The following BACH2 variants were observed in gnomAD, a reference collection of about 807,000 sequenced individuals.
The protein encoded by BACH2 is BACH transcriptional regulator 2.
In BACH2, 5 loss-of-function variants were observed where a neutral mutation model predicts 61.8. That is an observed-to-expected ratio of 0.08 (90% confidence interval 0.04 to 0.17). The LOEUF (loss-of-function observed/expected upper bound fraction) is 0.17, where lower values mean the gene tolerates loss of function less well. Among genes scored for constraint, BACH2 ranks in the 10% least tolerant of loss-of-function variants. The pLI is 1.00. For missense variants in BACH2, 824 were observed against 1,091.1 expected, an observed-to-expected ratio of 0.76 and a Z score of 3.45; for synonymous variants, 446 against 440.1, an observed-to-expected ratio of 1.01 and a Z score of -0.17.
chr6:90,022,136 C>G (rs1284726569), intron 5 of BACH2, among the ~76,000 whole-genome samples: 3 of 152,180 alleles, frequency 2.0e-5, no homozygotes, highest in Non-Finnish European at 4.4e-5. Flanking sequence ...TAAAAAGGAA[C>G]AGTTGTAACA....
At chr6:90,013,020 T>C (rs1306231813) in intron 5 of BACH2, among the ~76,000 whole-genome samples, 2 of 152,198 alleles carry the variant, frequency 1.3e-5, no homozygotes, top group Admixed American at 1.3e-4. Context: ...TACCTAAGTA[T>C]GAATATTTTT....
At chr6:90,128,763 A>T (rs1209063908) in intron 4 of BACH2, among the ~76,000 whole-genome samples, 2 of 152,196 alleles carry the variant, frequency 1.3e-5, no homozygotes, top group South Asian at 2.1e-4. Flanking sequence ...ACATGCACAC[A>T]TATGTTTATT....
chr6:90,012,559 G>A (rs1777781091), intron 5 of BACH2, among the ~76,000 whole-genome samples: 2 of 151,344 alleles, frequency 1.3e-5, no homozygotes, highest in South Asian at 4.2e-4. Context: ...AACCCAGCAG[G>A]AAGAGGTTGC....
intron 5 of BACH2, among the ~76,000 whole-genome samples, chr6:90,052,785 G>A (rs571338645): frequency 7.2e-5 from 11 of 152,266 alleles, no homozygotes; most frequent in East Asian, 1.9e-4. Context: ...GTATTTGCTC[G>A]AATACGAATT....
At chr6:90,032,142 T>A (rs1779020928) in intron 5 of BACH2, among the ~76,000 whole-genome samples, 1 of 152,016 alleles carries the variant, frequency 6.6e-6, no homozygotes, top group African/African-American at 2.4e-5. Context: ...CTGGGAAAAC[T>A]GGTTAGCCAT....
At chr6:90,260,977 T>C (rs1771138336) in intron 2 of BACH2, among the ~76,000 whole-genome samples, 1 of 152,176 alleles carries the variant, frequency 6.6e-6, no homozygotes, top group Admixed American at 6.5e-5. Context: ...CTATTGTGCT[T>C]GGTCATGACT....
At chr6:90,003,271 A>G (rs1777229828) in intron 6 of BACH2, among the ~76,000 whole-genome samples, 1 of 151,978 alleles carries the variant, frequency 6.6e-6, no homozygotes. Flanking sequence ...TGGGTGGCAA[A>G]CACGCCCTGC....
At chr6:90,054,064 G>A (rs957231720) in intron 5 of BACH2, among the ~76,000 whole-genome samples, 2 of 152,214 alleles carry the variant, frequency 1.3e-5, no homozygotes, top group African/African-American at 2.4e-5. Context: ...GGTGATTTCT[G>A]CATTTCCAAC....
chr6:90,288,690 T>G (rs551330159), intron 1 of BACH2, among the ~76,000 whole-genome samples: 2 of 152,188 alleles, frequency 1.3e-5, no homozygotes, highest in Non-Finnish European at 2.9e-5. Context: ...CTTCCTGAAA[T>G]TGACCAGAAT....
intron 4 of BACH2, among the ~76,000 whole-genome samples, chr6:90,089,431 T>C (rs1562435905): frequency 6.6e-6 from 1 of 152,002 alleles, no homozygotes; most frequent in African/African-American, 2.4e-5. Flanking sequence ...TATCACCTTC[T>C]ATATTTCATC....
At position 89,926,631 on chromosome 6, in the gene BACH2, T is replaced by A. The variant is rs1286263196; in HGVS notation, c.*5777A>T. 6.5e-6 allele frequency: 1 copy of A among 152,796 alleles called. No individual in the cohort carries two copies. Among genetic ancestry groups the A allele is most frequent in the Non-Finnish European group, 1.5e-5 (1 of 68,036 alleles). 9.5% of individuals were successfully genotyped at this position (152,796 alleles called of 1,614,324 possible). A position where few individuals can be genotyped will look rare whatever the true frequency, so the allele number is the denominator to read the frequency against. ...AATTCAATTGAGTGAAAACTTTTTT[T>A]GCACAATAGTGTATTTACAATGAGT... On this transcript the variant is annotated 3_prime_UTR_variant, in exon 9 of 9. Coordinates refer to ENST00000257749, the MANE Select transcript of BACH2 (RefSeq NM_021813.4).
chr6:90,175,058 G>A (rs575920283), intron 4 of BACH2, among the ~76,000 whole-genome samples: 1 of 152,138 alleles, frequency 6.6e-6, no homozygotes, highest in South Asian at 2.1e-4. Flanking sequence ...CAGAAATGTG[G>A]ATGTTTTCTT....
chr6:90,216,109 G>A (rs1458759727), intron 3 of BACH2, among the ~76,000 whole-genome samples: 2 of 152,178 alleles, frequency 1.3e-5, no homozygotes, highest in Admixed American at 6.5e-5. Flanking sequence ...TGCGTTCTCC[G>A]ACAGCAAGCA....
At chr6:90,289,674 A>G (rs1772123230) in intron 1 of BACH2, among the ~76,000 whole-genome samples, 1 of 152,176 alleles carries the variant, frequency 6.6e-6, no homozygotes, top group African/African-American at 2.4e-5. Flanking sequence ...CAAAAAACAA[A>G]CAAACAAAAA....
At chr6:90,239,962 T>G (rs1415628664) in intron 3 of BACH2, among the ~76,000 whole-genome samples, 1 of 152,154 alleles carries the variant, frequency 6.6e-6, no homozygotes, top group Non-Finnish European at 1.5e-5. Flanking sequence ...ACCACCACTA[T>G]TTTAGACTTG....
chr6:90,200,721 A>T (rs1768928379), intron 4 of BACH2, among the ~76,000 whole-genome samples: 1 of 152,208 alleles, frequency 6.6e-6, no homozygotes, highest in African/African-American at 2.4e-5. Context: ...AAGGTGTCCT[A>T]TGTTTCCACC....
At chr6:90,026,448 T>C (rs1778641696) in intron 5 of BACH2, among the ~76,000 whole-genome samples, 2 of 152,232 alleles carry the variant, frequency 1.3e-5, no homozygotes, top group African/African-American at 4.8e-5. Flanking sequence ...AATATATTAG[T>C]CATGCCATTG....
intron 2 of BACH2, among the ~76,000 whole-genome samples, chr6:90,261,336 C>T (rs1771150444): frequency 1.3e-5 from 2 of 152,138 alleles, no homozygotes; most frequent in Non-Finnish European, 2.9e-5. Flanking sequence ...ATCTATCCTC[C>T]AGGATGTAAA....
At chr6:90,207,670 G>T (rs368515007) in intron 3 of BACH2, among the ~76,000 whole-genome samples, 1 of 151,952 alleles carries the variant, frequency 6.6e-6, no homozygotes, top group African/African-American at 2.4e-5. Context: ...TTTTAAAAAT[G>T]AAAAATATAC....
Sources: gnomAD v4.1 joint callset for allele counts (sites outside exome capture counted in the v4.1 genomes callset) on GRCh38, gnomAD v4.1.1 for gene constraint, MANE v1.5 for transcripts, NCBI Gene and HGNC (gene_info 2026-07-23, HGNC 2026-07-21) for gene names.